TMC1: variants seen among roughly 807,000 people sequenced by gnomAD.
TMC1 encodes the protein transmembrane channel like 1.
Under a neutral mutation model 105.8 loss-of-function variants are expected in TMC1, and 84 were observed. That is an observed-to-expected ratio of 0.79 (90% CI 0.67 to 0.95). The LOEUF is 0.95. Among genes scored for constraint, TMC1 ranks in the 40% least tolerant of loss-of-function variants. TMC1 has a pLI of 0.00. For synonymous variants in TMC1, 315 were observed against 311.5 expected (o/e 1.01, Z -0.12); for missense variants, 817 against 914.1 (o/e 0.89, Z 1.37).
At chr9:72,832,218 T>C (rs991701523) in intron 23 of TMC1, among the ~76,000 whole-genome samples, 4 of 152,146 alleles carry the variant, frequency 2.6e-5, no homozygotes, top group African/African-American at 9.7e-5. Flanking sequence ...TCCCAAAGTG[T>C]TGGGATTAAA....
Position 72,694,690 on chromosome 9 carries a change from G to A in TMC1, c.212G>A (p.Arg71Lys). ...ACAAGGAAGGCAAGAGAAAAAGAGA[G>A]GAGGAGGAGGCTAAAGAGAGGAGCG... ...EETRKAREKE[R>K]RRRLKRGAEE... Residue 71 changes from arginine to lysine, a missense_variant, in exon 7 of 24, where the codon AGG becomes AAG. Coordinates refer to ENST00000297784, the MANE Select transcript of TMC1 (RefSeq NM_138691.3). The A allele has an allele frequency of 3.7e-6, 6 of 1,610,950 alleles. No homozygotes were observed. The highest frequency in any genetic ancestry group is 5.1e-6 in the Non-Finnish European group (6 of 1,178,342).
At chr9:72,674,907 C>T (rs376453076) in intron 5 of TMC1, among the ~76,000 whole-genome samples, 1 of 152,194 alleles carries the variant, frequency 6.6e-6, no homozygotes. Flanking sequence ...ATCAAGCCAT[C>T]AGGCTATTGA....
intron 1 of TMC1, among the ~76,000 whole-genome samples, chr9:72,537,214 C>T (rs1823600339): frequency 6.6e-6 from 1 of 152,168 alleles, no homozygotes; most frequent in East Asian, 1.9e-4. Flanking sequence ...TTTTGTCCTC[C>T]TAGGCCTCTA....
Position 72,650,854 on chromosome 9 carries a change from G to T in TMC1, c.16+2190G>T, listed in dbSNP as rs1390476085. 4.5e-5 allele frequency among the ~76,000 whole-genome samples: 5 copies of T among 110,042 alleles called. 1 individual carries two copies. The highest frequency in any genetic ancestry group is 9.2e-5 in the Non-Finnish European group (5 of 54,366). 72.2% of individuals were successfully genotyped at this position (110,042 alleles called of 152,430 possible). A position where few individuals can be genotyped will look rare whatever the true frequency, so the allele number is the denominator to read the frequency against. On this transcript the variant is annotated intron_variant, in intron 5 of 23. Transcript: ENST00000297784. Reference sequence around the variant, plus strand: ...TCTCGTTCTTTTTTTATGGCTGCATGGTATTTCATGGTGTATTTTATATAT... The same window carrying T: ...TCTCGTTCTTTTTTTATGGCTGCATTGTATTTCATGGTGTATTTTATATAT...
intron 10 of TMC1, among the ~76,000 whole-genome samples, chr9:72,746,632 C>A (rs891664737): frequency 6.6e-6 from 1 of 152,090 alleles, no homozygotes; most frequent in Non-Finnish European, 1.5e-5. Flanking sequence ...AAGCTCTGTC[C>A]AATAATTTGC....
At chr9:72,774,074 T>G (rs528784605) in intron 13 of TMC1, among the ~76,000 whole-genome samples, 3 of 152,214 alleles carry the variant, frequency 2.0e-5, no homozygotes, top group Non-Finnish European at 4.4e-5. Context: ...AGCCTATAAT[T>G]CATAGGCTTA....
At chr9:72,734,630 G>A (rs1385148367) in intron 8 of TMC1, among the ~76,000 whole-genome samples, 1 of 151,996 alleles carries the variant, frequency 6.6e-6, no homozygotes, top group African/African-American at 2.4e-5. Flanking sequence ...AATATTTCAT[G>A]AGAAGCCAGA....
At chr9:72,800,144 G>T (rs930489505) in intron 17 of TMC1, among the ~76,000 whole-genome samples, 1 of 152,162 alleles carries the variant, frequency 6.6e-6, no homozygotes, top group East Asian at 1.9e-4. Context: ...ATGGCAATTT[G>T]TTACAGCAAC....
intron 4 of TMC1, among the ~76,000 whole-genome samples, chr9:72,638,297 A>T (rs1184989068): frequency 6.6e-6 from 1 of 152,114 alleles, no homozygotes; most frequent in East Asian, 1.9e-4. Context: ...GTGTGCATTC[A>T]TTCCCTGAGT....
rs771965793 is a variant in TMC1 at position 72,555,030 on chromosome 9, C to T, written c.-427-22872C>T. Among the ~76,000 whole-genome samples, 4 of 151,386 alleles carry T rather than the reference C, an allele frequency of 2.6e-5. No individual in the cohort carries two copies. In the South Asian group the frequency reaches 8.4e-4, roughly 32 times the overall value. Reference sequence around the variant, plus strand: ...AGTAGCTGGGATTACAGGCATGTGCCACCATGCCTGGCTAACTTTTGTATT... The same window carrying T: ...AGTAGCTGGGATTACAGGCATGTGCTACCATGCCTGGCTAACTTTTGTATT... On this transcript the variant is annotated intron_variant, in intron 1 of 23. Transcript: ENST00000297784.
Position 72,717,110 on chromosome 9 carries a change from A to G in TMC1, c.362+16467A>G, listed in dbSNP as rs557047026. ...TGCATCCACTGTCCAACCAGTCCCA[A>G]TGAAATGAACTGGGTACCTCAGTTG... On this transcript the variant is annotated intron_variant, in intron 8 of 23. Transcript: ENST00000297784. 1.2e-3 allele frequency among the ~76,000 whole-genome samples: 189 copies of G among 152,288 alleles called. 1 individual carries two copies. Among genetic ancestry groups the G allele is most frequent in the African/African-American group, 4.3e-3 (180 of 41,564 alleles).
chr9:72,714,697 A>C (rs942400105), intron 8 of TMC1, among the ~76,000 whole-genome samples: 1 of 151,988 alleles, frequency 6.6e-6, no homozygotes, highest in African/African-American at 2.4e-5. Flanking sequence ...ACAGCACACC[A>C]ATGGGTCTTG....
chr9:72,630,072 G>A (rs1411107338), intron 4 of TMC1, among the ~76,000 whole-genome samples: 1 of 151,930 alleles, frequency 6.6e-6, no homozygotes, highest in East Asian at 1.9e-4. Context: ...CTCCATCTTG[G>A]CCAGGCTGGT....
chr9:72,544,797 T>TC (rs386415079), intron 1 of TMC1, among the ~76,000 whole-genome samples: 1 of 151,158 alleles, frequency 6.6e-6, no homozygotes, highest in Non-Finnish European at 1.5e-5. Context: ...CTTTTTTTTT[T>TC]TTAATTTCAA....
chr9:72,695,548 A>G (rs1018054222), intron 7 of TMC1, among the ~76,000 whole-genome samples: 1 of 152,114 alleles, frequency 6.6e-6, no homozygotes, highest in Admixed American at 6.6e-5. Context: ...GGGCCATGCG[A>G]GTCGCCATCA....
In TMC1 at chr9:72,671,047, T is replaced by C. The variant is rs1277645516; in HGVS notation, c.17-17662T>C. ...TTAATAACACAGAAGCATACACATT[T>C]ACTTAATATAAGTGTTATGTGACAC... On this transcript the variant is annotated intron_variant, in intron 5 of 23. Coordinates refer to ENST00000297784, the MANE Select transcript of TMC1 (RefSeq NM_138691.3). Among the ~76,000 whole-genome samples, 3 of 152,224 alleles carry C rather than the reference T, an allele frequency of 2.0e-5. No homozygotes were observed. In the East Asian group the frequency reaches 5.8e-4, roughly 29 times the overall value.
chr9:72,813,312 G>A (rs764757516), intron 18 of TMC1, among the ~76,000 whole-genome samples: 9 of 152,034 alleles, frequency 5.9e-5, no homozygotes, highest in Non-Finnish European at 8.8e-5. Flanking sequence ...CTAAAACAAT[G>A]AGCACTGACT....
At chr9:72,631,454 C>T (rs948674371) in intron 4 of TMC1, among the ~76,000 whole-genome samples, 1 of 152,112 alleles carries the variant, frequency 6.6e-6, no homozygotes, top group Non-Finnish European at 1.5e-5. Context: ...AGATCTTCTT[C>T]CCCAGAGCCA....
chr9:72,603,664 C>T (rs12338201), intron 2 of TMC1, among the ~76,000 whole-genome samples: 1,749 of 151,560 alleles, frequency 0.012, 24 homozygotes, highest in African/African-American at 0.032. Context: ...ATTCTCCTGC[C>T]GCAGCCTGCT....
Sources: gnomAD v4.1 joint callset for allele counts (sites outside exome capture counted in the v4.1 genomes callset) on GRCh38, gnomAD v4.1.1 for gene constraint, MANE v1.5 for transcripts, NCBI Gene and HGNC (gene_info 2026-07-23, HGNC 2026-07-21) for gene names.